The following MOV10L1 variants were observed in gnomAD, a reference collection of about 807,000 sequenced individuals.
MOV10L1 encodes Mov10 like RNA helicase 1, also known as RNA helicase Mov10l1.
MOV10L1 carries 110 observed loss-of-function variants against 143.8 expected under a neutral mutation model. That is an observed-to-expected ratio of 0.76 (90% CI 0.66 to 0.90). MOV10L1 has a LOEUF of 0.90. Among genes scored for constraint, MOV10L1 ranks in the 40% least tolerant of loss-of-function variants. MOV10L1 has a pLI of 0.00. For synonymous variants in MOV10L1, 593 were observed against 581.1 expected (o/e 1.02, Z -0.29); for missense variants, 1,406 against 1,526.8 (o/e 0.92, Z 1.32).
At chr22:50,119,667 G>A (rs775450700) in intron 9 of MOV10L1, among the ~76,000 whole-genome samples, 9 of 149,634 alleles carry the variant, frequency 6.0e-5, no homozygotes, top group Non-Finnish European at 1.2e-4. Context: ...AATACACCTC[G>A]CATGTGAGCG....
chr22:50,108,093 G>A (rs1358298337), intron 3 of MOV10L1, 43 bp from the exon 4 acceptor site: 1 of 1,560,524 alleles, frequency 6.4e-7, no homozygotes, highest in Admixed American at 1.7e-5. Flanking sequence ...AGAATAACTT[G>A]TGCACTTTAA....
At position 50,090,196 on chromosome 22, in the gene MOV10L1, G is replaced by A; in HGVS notation, c.97+11G>A. 1 of 1,414,278 alleles carries A rather than the reference G, an allele frequency of 7.1e-7. No individual in the cohort carries two copies. The highest frequency in any genetic ancestry group is 9.2e-7 in the Non-Finnish European group (1 of 1,085,540). The allele number at this position is 1,414,278 out of a possible 1,614,324, so 87.6% of individuals were successfully genotyped here. ...CCGAGCTCGCGGAAGGTGGCTCGCG[G>A]GAGGCGGCTGGGAGGCGGGTCCCGG... On this transcript the variant is annotated intron_variant, in intron 1 of 26. Transcript: ENST00000262794.
chr22:50,117,358 T>C lies in MOV10L1; in HGVS notation c.1454+7T>C. ...TTGTGACCGCACAGAAAAGGTACCA[T>C]AACTGAAATGAGTGTGGCTCTTGGT... On this transcript the variant is annotated splice_region_variant and intron_variant, in intron 9 of 26. Coordinates refer to ENST00000262794, the MANE Select transcript of MOV10L1 (RefSeq NM_018995.3). 6.2e-7 allele frequency: 1 copy of C among 1,611,684 alleles called. No individual in the cohort carries two copies. Among genetic ancestry groups the C allele is most frequent in the Non-Finnish European group, 8.5e-7 (1 of 1,178,520 alleles).
chr22:50,115,085 A>T (rs742183), intron 7 of MOV10L1, 29 bp from the exon 8 acceptor site: 367,054 of 1,549,914 alleles, frequency 0.24, 44,990 homozygotes, highest in Admixed American at 0.39. Flanking sequence ...CCTTTTGGTC[A>T]ACTTTTGTAT....
At chr22:50,143,956 G>A in intron 17 of MOV10L1, 141 bp from the exon 18 acceptor site, 1 of 1,093,004 alleles carries the variant, frequency 9.1e-7, no homozygotes, top group Non-Finnish European at 1.3e-6. Flanking sequence ...TCGTGGCCCA[G>A]GTCTCAGTGT....
chr22:50,129,433 A>G (rs763453914), intron 13 of MOV10L1, among the ~76,000 whole-genome samples: 1 of 152,190 alleles, frequency 6.6e-6, no homozygotes, highest in Non-Finnish European at 1.5e-5. Context: ...CGAGATTTTC[A>G]CTAAACATTG....
intron 15 of MOV10L1, among the ~76,000 whole-genome samples, chr22:50,139,036 G>A (rs1056875159): frequency 6.6e-6 from 1 of 151,112 alleles, no homozygotes; most frequent in African/African-American, 2.4e-5. Flanking sequence ...GCACCTAAAT[G>A]TTTTAAACAT....
chr22:50,134,461 A>G lies in MOV10L1; in HGVS notation c.1970-69A>G, dbSNP rs532546109. On this transcript the variant is annotated intron_variant, in intron 14 of 26. Coordinates refer to ENST00000262794, the MANE Select transcript of MOV10L1 (RefSeq NM_018995.3). The stretch of plus-strand genomic sequence containing the variant: ...TTAATTGCTTTAGGGTCAGCCATAA[A>G]CAACCTCTATTAATATTTTTTTAGC... 46 of 1,306,650 alleles carry G rather than the reference A, an allele frequency of 3.5e-5. No individual in the cohort carries two copies. In the East Asian group the frequency reaches 1.1e-3, roughly 30 times the overall value. The allele number at this position is 1,306,650 out of a possible 1,614,324, so 80.9% of individuals were successfully genotyped here.
chr22:50,146,899 C>T, intron 19 of MOV10L1: 2 of 651,314 alleles, frequency 3.1e-6, no homozygotes, highest in Non-Finnish European at 5.3e-6. Flanking sequence ...TTCAAGTCTT[C>T]AAAATCCACC....
chr22:50,134,517 T>A lies in MOV10L1; in HGVS notation c.1970-13T>A. Reference sequence around the variant, plus strand: ...AGTTATACCCGTGCTCTTACCATTTTTTGTTTTAAAAGTGTTGTTTCCAGA... The same window carrying A: ...AGTTATACCCGTGCTCTTACCATTTATTGTTTTAAAAGTGTTGTTTCCAGA... On this transcript the variant is annotated splice_polypyrimidine_tract_variant and intron_variant, in intron 14 of 26. Transcript: ENST00000262794. 1 of 1,612,242 alleles carries A rather than the reference T, an allele frequency of 6.2e-7. No homozygotes were observed. The highest frequency in any genetic ancestry group is 8.5e-7 in the Non-Finnish European group (1 of 1,178,284).
intron 8 of MOV10L1, 103 bp from the exon 9 acceptor site, chr22:50,117,054 T>C (rs2062198626): frequency 8.0e-6 from 8 of 1,003,052 alleles, no homozygotes; most frequent in Non-Finnish European, 1.2e-5. Context: ...AGACTAAAGA[T>C]GAGTCTTAAC....
intron 2 of MOV10L1, chr22:50,093,708 A>G (rs903785550): frequency 6.6e-6 from 1 of 152,138 alleles, no homozygotes; most frequent in Non-Finnish European, 1.5e-5. Context: ...ATGGCGTCTC[A>G]CTGTGTTGCG....
rs531403211 is a variant in MOV10L1 at position 50,160,915 on chromosome 22, A to T, written c.3463-49A>T. 1.3e-5 allele frequency: 21 copies of T among 1,612,340 alleles called. No homozygotes were observed. In the Admixed American group the frequency reaches 2.7e-4, roughly 20 times the overall value. The stretch of plus-strand genomic sequence containing the variant: ...TGAGACGTACGAGGCACCAGGAGAC[A>T]TGGGGCCTTCACTTGCTCTCACACC... On this transcript the variant is annotated intron_variant, in intron 25 of 26. Transcript: ENST00000262794.
chr22:50,094,070 C>T (rs1017942748), intron 2 of MOV10L1: 1 of 152,208 alleles, frequency 6.6e-6, no homozygotes, highest in African/African-American at 2.4e-5. Context: ...CTCTTATTAG[C>T]ATATGGTATT....
chr22:50,147,675 C>T (rs1216085058), intron 19 of MOV10L1, among the ~76,000 whole-genome samples: 1 of 145,740 alleles, frequency 6.9e-6, no homozygotes, highest in African/African-American at 2.4e-5. Context: ...GGGAGGGGCA[C>T]TTCAAAGGGC....
intron 22 of MOV10L1, among the ~76,000 whole-genome samples, chr22:50,154,946 T>C (rs2063388868): frequency 6.6e-6 from 1 of 151,608 alleles, no homozygotes; most frequent in Non-Finnish European, 1.5e-5. Flanking sequence ...GCTAGGTTTT[T>C]ATATTTAATC....
intron 17 of MOV10L1, among the ~76,000 whole-genome samples, chr22:50,143,868 A>C (rs2063060462): frequency 6.6e-6 from 1 of 152,234 alleles, no homozygotes. Context: ...CTGCCCTGAA[A>C]GGTGGTTTAG....
At chr22:50,108,516 A>G in intron 4 of MOV10L1, 141 bp from the exon 5 acceptor site, 1 of 880,886 alleles carries the variant, frequency 1.1e-6, no homozygotes, top group Non-Finnish European at 1.8e-6. Context: ...TTGGAGAATC[A>G]CTGGACCAGT....
rs573687973 is a variant in MOV10L1, at chr22:50,158,124, G to A, written c.3134G>A (p.Arg1045His). The A allele has an allele frequency of 8.1e-6, 13 of 1,614,188 alleles. No homozygotes were observed. Among genetic ancestry groups the A allele is most frequent in the African/African-American group, 4.0e-5 (3 of 75,056 alleles). The change falls in exon 23 of 27, where the codon CGC becomes CAC. Residue 1045 changes from arginine to histidine, a missense_variant. Coordinates refer to ENST00000262794, the MANE Select transcript of MOV10L1 (RefSeq NM_018995.3). The surrounding 1 kb of genome is among the most constrained non-coding windows in gnomAD (Gnocchi z 5.0). ...FNPAEAVQVLRYCCLLAHSIS... is the reference protein window; with the variant it reads ...FNPAEAVQVLHYCCLLAHSIS... ...CCGGCCGAGGCCGTCCAGGTCCTGC[G>A]CTACTGCTGCCTCCTGGCCCACAGC...
Sources: gnomAD v4.1 joint callset for allele counts (sites outside exome capture counted in the v4.1 genomes callset) on GRCh38, gnomAD v4.1.1 for gene constraint, Gnocchi (gnomAD v3.1) non-coding constraint, MANE v1.5 for transcripts, NCBI Gene and HGNC (gene_info 2026-07-23, HGNC 2026-07-21) for gene names.